CALN1: variants seen among roughly 807,000 people sequenced by gnomAD.
CALN1 encodes the protein calcium-binding protein 8.
A neutral mutation model predicts 30.6 loss-of-function variants in CALN1; 17 were observed. That is an observed-to-expected ratio of 0.56 (90% CI 0.38 to 0.83). The LOEUF is 0.83. CALN1 is among the 40% of genes least tolerant of loss of function. The pLI is 0.00. For missense variants in CALN1, 291 were observed against 354.9 expected (o/e 0.82, Z 1.45); for synonymous variants, 156 against 131.4 (o/e 1.19, Z -1.28).
In CALN1 at chr7:72,086,846, G is replaced by C. The variant is rs927312699; in HGVS notation, c.388+19305C>G. On this transcript the variant is annotated intron_variant, in intron 4 of 6. Coordinates refer to ENST00000395275, the MANE Select transcript of CALN1 (RefSeq NM_031468.4). ...GCTCAGCTAAAGAGAAGTAATCCAT[G>C]AACTGTAGCAGTTTTTCAATTATCG... Among the ~76,000 whole-genome samples, 5 of 152,132 alleles carry C rather than the reference G, an allele frequency of 3.3e-5. No individual in the cohort carries two copies. In the East Asian group the frequency reaches 7.7e-4, roughly 23 times the overall value.
intron 3 of CALN1, among the ~76,000 whole-genome samples, chr7:72,113,727 T>C (rs1268540754): frequency 6.6e-6 from 1 of 152,236 alleles, no homozygotes; most frequent in Non-Finnish European, 1.5e-5. Flanking sequence ...AATGGAATAA[T>C]TGTGACAGGA....
At chr7:72,134,440 G>T (rs1563086170) in intron 3 of CALN1, among the ~76,000 whole-genome samples, 1 of 152,154 alleles carries the variant, frequency 6.6e-6, no homozygotes, top group Non-Finnish European at 1.5e-5. Context: ...ACACCTCAAA[G>T]ATATTGCAGG....
chr7:72,498,949 A>G, the CALN1 span, among the ~76,000 whole-genome samples: 9 of 152,318 alleles, frequency 5.9e-5, no homozygotes, highest in South Asian at 1.9e-3. Context: ...TACGCAAATA[A>G]TTGTTCCTTG....
At chr7:72,164,631 C>T (rs1193772847) in intron 3 of CALN1, among the ~76,000 whole-genome samples, 3 of 152,166 alleles carry the variant, frequency 2.0e-5, no homozygotes, top group African/African-American at 7.2e-5. Flanking sequence ...TCATAGTACA[C>T]TTTGTGATGG....
intron 5 of CALN1, among the ~76,000 whole-genome samples, chr7:72,016,869 C>G (rs897300672): frequency 4.0e-5 from 6 of 151,424 alleles, no homozygotes; most frequent in Non-Finnish European, 7.4e-5. Flanking sequence ...ATTCCTAGAC[C>G]AGGCTGGGCA....
At chr7:72,123,094 T>C (rs1327447340) in intron 3 of CALN1, among the ~76,000 whole-genome samples, 1 of 152,148 alleles carries the variant, frequency 6.6e-6, no homozygotes, top group Non-Finnish European at 1.5e-5. Flanking sequence ...TATTTACCAC[T>C]GTTGCAGTGA....
intron 4 of CALN1, among the ~76,000 whole-genome samples, chr7:72,028,521 G>A (rs1336627105): frequency 1.3e-5 from 2 of 152,188 alleles, no homozygotes; most frequent in African/African-American, 4.8e-5. Flanking sequence ...AAGAAGCGAT[G>A]GAGAAGGGCA....
chr7:72,246,771 T>TTTTTTTTG (rs1795194829), intron 3 of CALN1, among the ~76,000 whole-genome samples: 2 of 149,966 alleles, frequency 1.3e-5, no homozygotes, highest in Non-Finnish European at 1.5e-5. Context: ...TTTTTTTTTT[T>TTTTTTTTG]GAGATGGAGT....
At chr7:71,892,881 C>T (rs1030971541) in intron 5 of CALN1, among the ~76,000 whole-genome samples, 11 of 152,066 alleles carry the variant, frequency 7.2e-5, no homozygotes, top group African/African-American at 2.4e-4. Flanking sequence ...GACGTGAGAA[C>T]CACGTCATTT....
chr7:71,884,913 T>G (rs1443029005), intron 5 of CALN1, among the ~76,000 whole-genome samples: 3 of 152,138 alleles, frequency 2.0e-5, no homozygotes, highest in Non-Finnish European at 4.4e-5. Flanking sequence ...TAACTAAAAT[T>G]TGAATAGGAA....
At chr7:72,410,942 T>C (rs866908067) in intron 1 of CALN1, among the ~76,000 whole-genome samples, 11 of 151,478 alleles carry the variant, frequency 7.3e-5, no homozygotes, top group African/African-American at 2.4e-4. Context: ...AGGCATAAGA[T>C]GGGAAAAGAA....
rs144969073 is a variant in CALN1 at position 71,948,451 on chromosome 7, G to A, written c.501+75206C>T. Among the ~76,000 whole-genome samples the A allele has an allele frequency of 4.3e-3, 657 of 152,152 alleles. 4 individuals are homozygous for A. Among genetic ancestry groups the A allele is most frequent in the African/African-American group, 0.014 (585 of 41,524 alleles). On this transcript the variant is annotated intron_variant, in intron 5 of 6. Transcript: ENST00000395275. ...CTCCATTAGAATTTGGTTTCAGGCCGGGCACGATTGGCTTATGCCTGTAAT... is the reference window on the plus strand; with the variant it reads ...CTCCATTAGAATTTGGTTTCAGGCCAGGCACGATTGGCTTATGCCTGTAAT...
At chr7:72,247,806 C>T (rs1795291321) in intron 3 of CALN1, among the ~76,000 whole-genome samples, 1 of 152,040 alleles carries the variant, frequency 6.6e-6, no homozygotes, top group Admixed American at 6.5e-5. Context: ...CCAGCCTGGG[C>T]AATACAGCAA....
At chr7:72,021,870 A>G (rs1584762223) in intron 5 of CALN1, among the ~76,000 whole-genome samples, 2 of 152,098 alleles carry the variant, frequency 1.3e-5, no homozygotes, top group African/African-American at 2.4e-5. Context: ...AGCATGTCCA[A>G]TTGAGGATTC....
At chr7:71,851,797 G>A (rs976357962) in intron 5 of CALN1, among the ~76,000 whole-genome samples, 6 of 152,182 alleles carry the variant, frequency 3.9e-5, no homozygotes, top group Middle Eastern at 3.4e-3. Flanking sequence ...TCTCCGCCCC[G>A]ATGCAGAAAA....
At chr7:71,850,434 T>C (rs1189868934) in intron 5 of CALN1, among the ~76,000 whole-genome samples, 1 of 152,188 alleles carries the variant, frequency 6.6e-6, no homozygotes, top group Non-Finnish European at 1.5e-5. Flanking sequence ...TCCATGCTTG[T>C]CTCGAACTCC....
chr7:72,060,169 C>T (rs1253700581), intron 4 of CALN1, among the ~76,000 whole-genome samples: 1 of 152,088 alleles, frequency 6.6e-6, no homozygotes, highest in African/African-American at 2.4e-5. Flanking sequence ...TACTTCCTGT[C>T]TTTTCATTTC....
rs144108179 is a variant in CALN1 at position 71,847,865 on chromosome 7, G to A, written c.502-37373C>T. On this transcript the variant is annotated intron_variant, in intron 5 of 6. Transcript: ENST00000395275. ...GGAGAAGGAGAAGAAGAAGAGGAAA[G>A]TTTTCCCTTTTTGCTCGGCTCTCTC... Among the ~76,000 whole-genome samples, 503 of 111,462 alleles carry A rather than the reference G, an allele frequency of 4.5e-3. 2 individuals carry two copies. Among genetic ancestry groups the A allele is most frequent in the African/African-American group, 0.017 (475 of 27,564 alleles). The allele number at this position is 111,462 out of a possible 152,430, so 73.1% of individuals were successfully genotyped here. A position where few individuals can be genotyped will look rare whatever the true frequency, so the allele number is the denominator to read the frequency against.
Position 72,228,768 on chromosome 7 carries a change from T to G in CALN1, c.244+49918A>C, listed in dbSNP as rs1293284199. ...TTATTTATTTATTTATTTATTTATT[T>G]ATTTATTTATTGAGACAAGGTCTTG... On this transcript the variant is annotated intron_variant, in intron 3 of 6. Transcript: ENST00000395275. Among the ~76,000 whole-genome samples the G allele has an allele frequency of 3.0e-4, 30 of 100,180 alleles. 1 individual carries two copies. The highest frequency in any genetic ancestry group is 9.8e-4 in the African/African-American group (30 of 30,462). 65.7% of individuals were successfully genotyped at this position (100,180 alleles called of 152,430 possible). A position where few individuals can be genotyped will look rare whatever the true frequency, so the allele number is the denominator to read the frequency against.
Sources: allele counts gnomAD v4.1 joint callset (sites outside exome capture counted in the v4.1 genomes callset), GRCh38; gene constraint gnomAD v4.1.1; transcripts MANE v1.5; gene names NCBI Gene and HGNC (gene_info 2026-07-23, HGNC 2026-07-21).